FOXN3: variants seen among roughly 807,000 people sequenced by gnomAD.
FOXN3 encodes forkhead box N3, also known as forkhead box protein N3.
Under a neutral mutation model 38.4 loss-of-function variants are expected in FOXN3, and 7 were observed. The observed-to-expected ratio is 0.18, with a 90% CI of 0.10 to 0.34. The LOEUF is 0.34. FOXN3 is among the 10% of genes least tolerant of loss of function. FOXN3 has a pLI of 1.00. For missense variants in FOXN3, 456 were observed against 613.4 expected, an observed-to-expected ratio of 0.74 and a Z score of 2.71; for synonymous variants, 230 against 242.2, an observed-to-expected ratio of 0.95 and a Z score of 0.47.
intron 1 of FOXN3, among the ~76,000 whole-genome samples, chr14:89,458,306 T>C (rs1439770187): frequency 1.3e-5 from 2 of 152,196 alleles, no homozygotes. Flanking sequence ...CCTTGCAGGC[T>C]CGGCTCCCCT....
chr14:89,289,579 TATA>T (rs1886797835), intron 3 of FOXN3, among the ~76,000 whole-genome samples: 1 of 152,240 alleles, frequency 6.6e-6, no homozygotes, highest in Non-Finnish European at 1.5e-5. Flanking sequence ...TAGAAATACA[TATA>T]AGATGAATAA....
At chr14:89,323,301 AAAAG>A (rs1555417897) in intron 3 of FOXN3, among the ~76,000 whole-genome samples, 105 of 142,968 alleles carry the variant, frequency 7.3e-4, no homozygotes, top group East Asian at 3.8e-3. Context: ...AAAAAAAAAA[AAAAG>A]AAAGAAAGAA....
In FOXN3 at chr14:89,258,556, T is replaced by C. The variant is rs1003379130; in HGVS notation, c.745+22394A>G. Among the ~76,000 whole-genome samples the C allele has an allele frequency of 8.5e-5, 13 of 152,370 alleles. No homozygotes were observed. The South Asian group carries it at 1.7e-3, about 19-fold the overall frequency. ...AAATAGTAGTCATTGTGATACCACC[T>C]GGACCACCTACATCTTATTTTCTAA... On this transcript the variant is annotated intron_variant, in intron 4 of 5. Transcript: ENST00000557258.
intron 1 of FOXN3, among the ~76,000 whole-genome samples, chr14:89,452,213 C>G (rs1049399300): frequency 6.6e-6 from 1 of 152,038 alleles, no homozygotes; most frequent in African/African-American, 2.4e-5. Context: ...GGCAGAAGGA[C>G]CAGACTCTAA....
intron 1 of FOXN3, among the ~76,000 whole-genome samples, chr14:89,598,976 TC>T (rs1024421566): frequency 2.0e-5 from 3 of 152,160 alleles, no homozygotes; most frequent in African/African-American, 7.2e-5. Context: ...GCTATTTTTT[TC>T]CAATTATTTT....
At chr14:89,376,312 A>T (rs545782018) in intron 2 of FOXN3, among the ~76,000 whole-genome samples, 2 of 152,346 alleles carry the variant, frequency 1.3e-5, no homozygotes, top group East Asian at 3.9e-4. Context: ...CAATTATTAT[A>T]ATTGATTATA....
At chr14:89,200,708 C>T (rs567548179) in intron 4 of FOXN3, among the ~76,000 whole-genome samples, 11 of 152,336 alleles carry the variant, frequency 7.2e-5, no homozygotes, top group African/African-American at 1.9e-4. Flanking sequence ...GTCACATTGC[C>T]GTCACATTCC....
intron 4 of FOXN3, among the ~76,000 whole-genome samples, chr14:89,251,914 A>C (rs1475055514): frequency 6.6e-6 from 1 of 152,242 alleles, no homozygotes; most frequent in Non-Finnish European, 1.5e-5. Flanking sequence ...ACCTTATATA[A>C]CAAATCCAAG....
intron 2 of FOXN3, among the ~76,000 whole-genome samples, chr14:89,403,507 A>G (rs753965324): frequency 5.3e-5 from 8 of 152,236 alleles, no homozygotes; most frequent in Non-Finnish European, 1.0e-4. Context: ...GCCTAAACTC[A>G]TAACTTTCAA....
intron 1 of FOXN3, among the ~76,000 whole-genome samples, chr14:89,492,576 G>C (rs904598393): frequency 6.6e-6 from 1 of 152,192 alleles, no homozygotes; most frequent in Non-Finnish European, 1.5e-5. Flanking sequence ...GTTGGGCATG[G>C]TGGTATGTGC....
intron 2 of FOXN3, among the ~76,000 whole-genome samples, chr14:89,398,572 T>C (rs1055694595): frequency 6.6e-6 from 1 of 152,158 alleles, no homozygotes; most frequent in Non-Finnish European, 1.5e-5. Context: ...AAACGGAGGT[T>C]CAAGATAGTC....
At chr14:89,618,892 G>A (rs1896543695) in intron 1 of FOXN3, 1 of 152,310 alleles carries the variant, frequency 6.6e-6, no homozygotes, top group Non-Finnish European at 1.5e-5. Context: ...AAACCAGGTG[G>A]AAATAGGGGG....
intron 1 of FOXN3, among the ~76,000 whole-genome samples, chr14:89,550,288 A>T (rs1894976007): frequency 6.6e-6 from 1 of 152,170 alleles, no homozygotes; most frequent in African/African-American, 2.4e-5. Context: ...TTATCCTCCT[A>T]GACTTGACAG....
At chr14:89,382,599 G>A (rs1890679018) in intron 2 of FOXN3, among the ~76,000 whole-genome samples, 2 of 152,198 alleles carry the variant, frequency 1.3e-5, no homozygotes, top group South Asian at 4.1e-4. Context: ...CAGGAAGCAC[G>A]TGGGTTTGGG....
At chr14:89,254,669 G>A (rs566442204) in intron 4 of FOXN3, among the ~76,000 whole-genome samples, 3 of 152,294 alleles carry the variant, frequency 2.0e-5, no homozygotes, top group African/African-American at 2.4e-5. Flanking sequence ...GTGTACCAGT[G>A]TGCTGGCTCT....
At chr14:89,502,220 A>G (rs1032670957) in intron 1 of FOXN3, among the ~76,000 whole-genome samples, 1 of 152,244 alleles carries the variant, frequency 6.6e-6, no homozygotes, top group African/African-American at 2.4e-5. Context: ...ATATAAAGAC[A>G]TACAGTCAAA....
intron 1 of FOXN3, among the ~76,000 whole-genome samples, chr14:89,496,510 G>A (rs1893687004): frequency 6.6e-6 from 1 of 152,016 alleles, no homozygotes; most frequent in African/African-American, 2.4e-5. Context: ...ACCTGGGGGG[G>A]TCCTTGGGCT....
At chr14:89,459,780 C>G (rs1297938267) in intron 1 of FOXN3, among the ~76,000 whole-genome samples, 4 of 152,116 alleles carry the variant, frequency 2.6e-5, no homozygotes, top group Non-Finnish European at 4.4e-5. Context: ...AACCCGGAAC[C>G]CTTTGCTAGG....
At chr14:89,527,355 T>C (rs902640057) in intron 1 of FOXN3, among the ~76,000 whole-genome samples, 4 of 152,192 alleles carry the variant, frequency 2.6e-5, no homozygotes, top group African/African-American at 9.7e-5. Context: ...AAAAGTGCAA[T>C]CCATAAATGA....
Sources: allele counts gnomAD v4.1 joint callset (sites outside exome capture counted in the v4.1 genomes callset), GRCh38; gene constraint gnomAD v4.1.1; transcripts MANE v1.5; gene names NCBI Gene and HGNC (gene_info 2026-07-23, HGNC 2026-07-21).